Variants in MAGI1 observed in about 807,000 individuals in gnomAD.
MAGI1 encodes membrane-associated guanylate kinase, WW and PDZ domain-containing protein 1.
Under a neutral mutation model 139.9 loss-of-function variants are expected in MAGI1, and 58 were observed. The ratio of observed to expected loss-of-function variants is 0.41; its 90% CI spans 0.34 to 0.52. The LOEUF (loss-of-function observed/expected upper bound fraction) is 0.52. MAGI1 is among the 20% of genes least tolerant of loss of function. The pLI, the probability that MAGI1 is intolerant of heterozygous loss-of-function variation, is 0.12. For missense variants in MAGI1, 1,874 were observed against 1,901.6 expected (o/e 0.99, Z 0.27); for synonymous variants, 812 against 737.9 (o/e 1.10, Z -1.63).
intron 1 of MAGI1, among the ~76,000 whole-genome samples, chr3:65,933,912 G>C (rs1410669196): frequency 2.6e-5 from 4 of 152,048 alleles, no homozygotes; most frequent in African/African-American, 9.7e-5. Flanking sequence ...GATTACCTGA[G>C]GTCAGGAGTT....
chr3:65,585,573 T>C (rs1172095620), intron 2 of MAGI1, among the ~76,000 whole-genome samples: 5 of 152,106 alleles, frequency 3.3e-5, no homozygotes, highest in Non-Finnish European at 5.9e-5. Context: ...CTGATGAAAA[T>C]GAAAAATGGT....
chr3:65,659,077 T>C (rs1164397410), intron 1 of MAGI1, among the ~76,000 whole-genome samples: 2 of 152,036 alleles, frequency 1.3e-5, no homozygotes, highest in Non-Finnish European at 2.9e-5. Flanking sequence ...AAAGGGGAGA[T>C]TCAGTCAGAC....
At chr3:65,769,056 C>T (rs1055033369) in intron 1 of MAGI1, among the ~76,000 whole-genome samples, 1 of 151,500 alleles carries the variant, frequency 6.6e-6, no homozygotes, top group Non-Finnish European at 1.5e-5. Context: ...GCCACTGGGC[C>T]TGAAAAAAAA....
At chr3:65,544,240 C>T (rs2079395743) in intron 2 of MAGI1, among the ~76,000 whole-genome samples, 2 of 151,926 alleles carry the variant, frequency 1.3e-5, no homozygotes, top group South Asian at 4.2e-4. Flanking sequence ...AAATACTACC[C>T]AATGACTTCT....
intron 1 of MAGI1, among the ~76,000 whole-genome samples, chr3:65,925,795 T>G (rs1014451981): frequency 6.6e-6 from 1 of 152,148 alleles, no homozygotes; most frequent in African/African-American, 2.4e-5. Context: ...TCCTCTCACC[T>G]CAGCCTCCTG....
Position 65,735,989 on chromosome 3 carries a change from G to A in MAGI1, c.314-113901C>T, listed in dbSNP as rs368293977. On this transcript the variant is annotated intron_variant, in intron 1 of 22. Coordinates refer to ENST00000402939, the MANE Select transcript of MAGI1 (RefSeq NM_001033057.2). Reference sequence around the variant, plus strand: ...AAAGTTCTACTCCCAGTGAGTGCCCGAGCAGCAATCTGAACCCACATCTTC... The same window carrying A: ...AAAGTTCTACTCCCAGTGAGTGCCCAAGCAGCAATCTGAACCCACATCTTC... Among the ~76,000 whole-genome samples the A allele has an allele frequency of 7.2e-5, 11 of 152,276 alleles. No individual in the cohort carries two copies. The East Asian group carries it at 9.6e-4, about 13-fold the overall frequency.
At chr3:65,424,526 T>C (rs1331072555) in intron 12 of MAGI1, among the ~76,000 whole-genome samples, 1 of 152,110 alleles carries the variant, frequency 6.6e-6, no homozygotes, top group African/African-American at 2.4e-5. Flanking sequence ...CTGTGCAAAC[T>C]AGAAAGGACA....
At chr3:65,630,398 C>T (rs549296740) in intron 1 of MAGI1, among the ~76,000 whole-genome samples, 98 of 151,958 alleles carry the variant, frequency 6.4e-4, no homozygotes, top group African/African-American at 2.4e-3. Context: ...GCAAAAGTTT[C>T]GAAGGAGGAA....
rs540072067 is a variant in MAGI1 at position 65,417,310 on chromosome 3, T to C, written c.2167+12210A>G. ...AACAAATCTGCACATCCTGCACATGTACCCCTGAACTTAAAGTTGGGAAAA... is the reference window on the plus strand; with the variant it reads ...AACAAATCTGCACATCCTGCACATGCACCCCTGAACTTAAAGTTGGGAAAA... On this transcript the variant is annotated intron_variant, in intron 12 of 22. Coordinates refer to ENST00000402939, the MANE Select transcript of MAGI1 (RefSeq NM_001033057.2). 3.3e-5 allele frequency among the ~76,000 whole-genome samples: 5 copies of C among 152,246 alleles called. No individual in the cohort carries two copies. In the East Asian group the frequency reaches 9.7e-4, roughly 29 times the overall value.
intron 1 of MAGI1, among the ~76,000 whole-genome samples, chr3:65,837,872 G>A (rs1179870233): frequency 6.6e-6 from 1 of 152,092 alleles, no homozygotes; most frequent in Non-Finnish European, 1.5e-5. Context: ...CTCAAACTCA[G>A]TTTGACCAAC....
At chr3:65,434,625 A>G (rs1348335536) in intron 10 of MAGI1, among the ~76,000 whole-genome samples, 3 of 152,190 alleles carry the variant, frequency 2.0e-5, no homozygotes, top group Non-Finnish European at 4.4e-5. Flanking sequence ...ACTAGACACT[A>G]GATGGCTAAT....
At chr3:65,814,822 T>A (rs2041499329) in intron 1 of MAGI1, among the ~76,000 whole-genome samples, 1 of 152,234 alleles carries the variant, frequency 6.6e-6, no homozygotes, top group African/African-American at 2.4e-5. Context: ...TTGATCATTT[T>A]AAAACAAAGA....
chr3:65,699,047 C>G (rs1243728489), intron 1 of MAGI1, among the ~76,000 whole-genome samples: 1 of 124,772 alleles, frequency 8.0e-6, no homozygotes, highest in Admixed American at 8.1e-5. Flanking sequence ...ACAAACAACC[C>G]CATCAAAAAG....
intron 1 of MAGI1, among the ~76,000 whole-genome samples, chr3:65,921,765 T>G (rs1187894308): frequency 6.6e-6 from 1 of 152,058 alleles, no homozygotes; most frequent in Non-Finnish European, 1.5e-5. Context: ...GACAATTGTC[T>G]GTAGCCTGCT....
At chr3:65,368,956 G>T (rs1941706901) in intron 18 of MAGI1, among the ~76,000 whole-genome samples, 1 of 152,212 alleles carries the variant, frequency 6.6e-6, no homozygotes, top group African/African-American at 2.4e-5. Flanking sequence ...TCTGATTAAA[G>T]TCTCTCTCCC....
chr3:65,507,420 T>C (rs147196905), intron 2 of MAGI1, among the ~76,000 whole-genome samples: 8 of 152,332 alleles, frequency 5.3e-5, no homozygotes, highest in African/African-American at 1.7e-4. Context: ...CATAAAATTG[T>C]ATGAGGATTA....
intron 1 of MAGI1, among the ~76,000 whole-genome samples, chr3:65,634,056 C>T (rs1178607608): frequency 3.3e-5 from 5 of 152,216 alleles, no homozygotes; most frequent in African/African-American, 4.8e-5. Flanking sequence ...GAAGCAATAA[C>T]TTTATAATCC....
chr3:65,603,126 A>G (rs1337007779), intron 2 of MAGI1, among the ~76,000 whole-genome samples: 1 of 152,148 alleles, frequency 6.6e-6, no homozygotes, highest in East Asian at 1.9e-4. Context: ...TAGCTACTGC[A>G]AAGAAAAAAA....
rs532090263 is a variant in MAGI1, at chr3:65,944,423, T to G, written c.313+93573A>C. 5.3e-5 allele frequency among the ~76,000 whole-genome samples: 8 copies of G among 151,922 alleles called. No homozygotes were observed. The East Asian group carries it at 1.5e-3, about 29-fold the overall frequency. ...GTCCTAGCTGCTCGAGAGGCTGAGG[T>G]TGGAGGATAGTTTGAGCCCAGGAAG... On this transcript the variant is annotated intron_variant, in intron 1 of 22. Transcript: ENST00000402939.
Sources: allele counts gnomAD v4.1 joint callset (sites outside exome capture counted in the v4.1 genomes callset), GRCh38; gene constraint gnomAD v4.1.1; transcripts MANE v1.5; gene names NCBI Gene and HGNC (gene_info 2026-07-23, HGNC 2026-07-21).